The following GOLM2 variants were observed in gnomAD, a reference collection of about 807,000 sequenced individuals.
The protein encoded by GOLM2 is golgi membrane protein 2, also known as protein GOLM2.
GOLM2 carries 26 observed loss-of-function variants against 55.9 expected under a neutral mutation model. The observed-to-expected ratio is 0.47, with a 90% CI of 0.34 to 0.65. The LOEUF is 0.65. Ranked by LOEUF, GOLM2 falls within the 30% of genes least tolerant of loss-of-function variation. The pLI, the probability that GOLM2 is intolerant of heterozygous loss-of-function variation, is 0.01. For synonymous variants in GOLM2, 165 were observed against 194.6 expected (o/e 0.85, Z 1.27); for missense variants, 486 against 531.8 (o/e 0.91, Z 0.85).
rs1056402888 is a variant in GOLM2, at chr15:44,414,226, CAA to C, written c.*821_*822del. On this transcript the variant is annotated 3_prime_UTR_variant, in exon 10 of 10. Transcript: ENST00000299957. The stretch of plus-strand genomic sequence containing the variant: ...GAGTCATACCTAGAATAGTTACACA[CAA>C]GAGGGAAACTGGAAGCCAAACACTG... The C allele has an allele frequency of 6.6e-6, 1 of 152,186 alleles. No individual in the cohort carries two copies. The highest frequency in any genetic ancestry group is 2.4e-5 in the African/African-American group (1 of 41,438). 9.4% of individuals were successfully genotyped at this position (152,186 alleles called of 1,614,324 possible). A position where few individuals can be genotyped will look rare whatever the true frequency, so the allele number is the denominator to read the frequency against.
intron 8 of GOLM2, among the ~76,000 whole-genome samples, chr15:44,389,109 G>A (rs1016746564): frequency 2.6e-5 from 4 of 151,996 alleles, no homozygotes; most frequent in African/African-American, 7.2e-5. Context: ...GAGCCACCAC[G>A]TCCAGCTTGA....
chr15:44,322,874 C>A, intron 1 of GOLM2, 91 bp from the exon 2 acceptor site: 1 of 796,488 alleles, frequency 1.3e-6, no homozygotes, highest in Non-Finnish European at 2.0e-6. Flanking sequence ...TTTTTGTTTG[C>A]ATTTATGATC....
rs1196977494 is a variant in GOLM2 at position 44,369,210 on chromosome 15, G to A, written c.803-10480G>A. On this transcript the variant is annotated intron_variant, in intron 6 of 9. Coordinates refer to ENST00000299957, the MANE Select transcript of GOLM2 (RefSeq NM_138423.4). ...TGTGTGTGTATATATATATATATGT[G>A]TGTGTGTGTGTGTGTGTGTGTGTGT... 1.9e-4 allele frequency among the ~76,000 whole-genome samples: 22 copies of A among 118,382 alleles called. No homozygotes were observed. In the South Asian group the frequency reaches 2.3e-3, roughly 12 times the overall value. 77.7% of individuals were successfully genotyped at this position (118,382 alleles called of 152,430 possible). A position where few individuals can be genotyped will look rare whatever the true frequency, so the allele number is the denominator to read the frequency against.
chr15:44,333,123 A>G (rs1392923962), intron 4 of GOLM2, among the ~76,000 whole-genome samples: 2 of 152,006 alleles, frequency 1.3e-5, no homozygotes, highest in African/African-American at 4.8e-5. Flanking sequence ...TAGTAGAGAC[A>G]GGGTTTCACC....
intron 8 of GOLM2, among the ~76,000 whole-genome samples, chr15:44,397,478 CAAAAAAAAAAA>C (rs1007948393): frequency 6.1e-5 from 2 of 32,564 alleles, no homozygotes; most frequent in East Asian, 1.1e-3. Flanking sequence ...GACTCCGTCT[CAAAAAAAAAAA>C]AAAAAAAAAA....
intron 1 of GOLM2, among the ~76,000 whole-genome samples, chr15:44,305,658 A>G (rs2078832168): frequency 6.6e-6 from 1 of 152,126 alleles, no homozygotes; most frequent in African/African-American, 2.4e-5. Flanking sequence ...CTTTCAATTT[A>G]TTTTGCCCAG....
At chr15:44,394,873 T>A (rs983712628) in intron 8 of GOLM2, among the ~76,000 whole-genome samples, 1 of 152,192 alleles carries the variant, frequency 6.6e-6, no homozygotes, top group African/African-American at 2.4e-5. Flanking sequence ...ATACTGCCAA[T>A]AGATGAAGGC....
chr15:44,372,953 A>G (rs2079338107), intron 6 of GOLM2, among the ~76,000 whole-genome samples: 2 of 152,154 alleles, frequency 1.3e-5, no homozygotes, highest in East Asian at 3.8e-4. Context: ...TTCCTCCTCA[A>G]AAATGCCTCC....
chr15:44,352,961 G>A (rs2079174863), intron 6 of GOLM2, among the ~76,000 whole-genome samples: 1 of 150,872 alleles, frequency 6.6e-6, no homozygotes, highest in Admixed American at 6.6e-5. Context: ...CAGAATGGGA[G>A]AAGATATTTG....
intron 1 of GOLM2, among the ~76,000 whole-genome samples, chr15:44,317,248 A>G (rs1202494084): frequency 1.4e-5 from 2 of 146,438 alleles, no homozygotes; most frequent in African/African-American, 5.1e-5. Context: ...GTGGTAGCAC[A>G]TGCCTGTGGT....
intron 8 of GOLM2, among the ~76,000 whole-genome samples, chr15:44,382,661 AT>A (rs907625684): frequency 6.6e-6 from 1 of 151,866 alleles, no homozygotes; most frequent in Non-Finnish European, 1.5e-5. Flanking sequence ...TATTCTATAC[AT>A]TTTTTTAATT....
intron 9 of GOLM2, chr15:44,406,619 G>A (rs1404660670): frequency 1.3e-5 from 2 of 152,148 alleles, no homozygotes; most frequent in Non-Finnish European, 2.9e-5. Context: ...ATTTCAGGAT[G>A]TCTGAAACAG....
chr15:44,289,226 G>T lies in GOLM2; in HGVS notation c.197G>T (p.Arg66Leu), dbSNP rs771191283. The T allele has an allele frequency of 1.2e-6, 2 of 1,614,068 alleles. No homozygotes were observed. The highest frequency in any genetic ancestry group is 1.3e-5 in the African/African-American group (1 of 74,944). ...TEVARGRLEK[R>L]NSDLLLLVDT... ...GTGGCCCGCGGGCGGCTGGAAAAGC[G>T]CAATTCGGACCTCTTGCTGTTGGTG... Residue 66 changes from arginine to leucine, a missense_variant, in exon 1 of 10, where the codon CGC becomes CTC. Arg to Leu is a moderately radical substitution (Grantham distance 102). Transcript: ENST00000299957. The surrounding 1 kb of genome is among the most constrained non-coding windows in gnomAD (Gnocchi z 4.8).
At position 44,414,296 on chromosome 15, in the gene GOLM2, T is replaced by C. The variant is rs2079659009; in HGVS notation, c.*890T>C. Reference sequence around the variant, plus strand: ...AGTCACCTCCCTACTCCTTTTATTTTACATGAGTGCTGATGTGTTTTGGCA... The same window carrying C: ...AGTCACCTCCCTACTCCTTTTATTTCACATGAGTGCTGATGTGTTTTGGCA... On this transcript the variant is annotated 3_prime_UTR_variant, in exon 10 of 10. Coordinates refer to ENST00000299957, the MANE Select transcript of GOLM2 (RefSeq NM_138423.4). 1 of 152,236 alleles carries C rather than the reference T, an allele frequency of 6.6e-6. No individual in the cohort carries two copies. Among genetic ancestry groups the C allele is most frequent in the Admixed American group, 6.5e-5 (1 of 15,282 alleles). The allele number at this position is 152,236 out of a possible 1,614,324, so 9.4% of individuals were successfully genotyped here.
At chr15:44,322,094 G>A (rs745681605) in intron 1 of GOLM2, among the ~76,000 whole-genome samples, 2 of 151,636 alleles carry the variant, frequency 1.3e-5, no homozygotes, top group African/African-American at 2.4e-5. Flanking sequence ...CAGGCCAGGC[G>A]TGGTGGCTCA....
intron 6 of GOLM2, among the ~76,000 whole-genome samples, chr15:44,349,919 G>A (rs1196734645): frequency 1.3e-5 from 2 of 152,002 alleles, no homozygotes; most frequent in African/African-American, 4.8e-5. Context: ...AGATTAAGAA[G>A]GAAATTGAAA....
intron 8 of GOLM2, among the ~76,000 whole-genome samples, chr15:44,389,459 C>T (rs2079472899): frequency 1.3e-5 from 2 of 152,010 alleles, no homozygotes; most frequent in Admixed American, 1.3e-4. Context: ...ATCTGGGAAG[C>T]AGAGGTTGCA....
intron 6 of GOLM2, among the ~76,000 whole-genome samples, chr15:44,368,032 C>T (rs1310655218): frequency 6.6e-6 from 1 of 151,936 alleles, no homozygotes; most frequent in Non-Finnish European, 1.5e-5. Context: ...ATGTTTTTCA[C>T]CAAATTTGGG....
intron 4 of GOLM2, among the ~76,000 whole-genome samples, chr15:44,336,676 G>T (rs2079059068): frequency 6.6e-6 from 1 of 151,934 alleles, no homozygotes; most frequent in Non-Finnish European, 1.5e-5. Flanking sequence ...CAGCACTTTG[G>T]GAGGCCGAGG....
Sources: gnomAD v4.1 joint callset for allele counts (sites outside exome capture counted in the v4.1 genomes callset) on GRCh38, gnomAD v4.1.1 for gene constraint, Gnocchi (gnomAD v3.1) non-coding constraint, MANE v1.5 for transcripts, NCBI Gene and HGNC (gene_info 2026-07-23, HGNC 2026-07-21) for gene names.